RNF180: variants seen among roughly 807,000 people sequenced by gnomAD.
RNF180 encodes ring finger protein 180, also known as E3 ubiquitin-protein ligase RNF180.
In RNF180, 38 loss-of-function variants were observed where a neutral mutation model predicts 59.2. The observed-to-expected ratio is 0.64, with a 90% CI of 0.50 to 0.84. The LOEUF (loss-of-function observed/expected upper bound fraction) is 0.84, where lower values mean the gene tolerates loss of function less well. Among genes scored for constraint, RNF180 ranks in the 40% least tolerant of loss-of-function variants. RNF180 has a pLI of 0.00. For missense variants in RNF180, 705 were observed against 700.9 expected, an observed-to-expected ratio of 1.01 and a Z score of -0.07; for synonymous variants, 262 against 240.3, an observed-to-expected ratio of 1.09 and a Z score of -0.84.
intron 2 of RNF180, among the ~76,000 whole-genome samples, chr5:64,205,074 A>C (rs1751947024): frequency 6.6e-6 from 1 of 152,244 alleles, no homozygotes; most frequent in Admixed American, 6.5e-5. Context: ...AGCCCTCCCA[A>C]AGCTAGGAAC....
chr5:64,190,524 G>GT (rs1287500693), intron 1 of RNF180, among the ~76,000 whole-genome samples: 4 of 152,208 alleles, frequency 2.6e-5, no homozygotes, highest in East Asian at 1.9e-4. Context: ...TGGAGTGGAT[G>GT]TTTTTTTGCA....
intron 5 of RNF180, among the ~76,000 whole-genome samples, chr5:64,236,422 A>C (rs1357904293): frequency 1.3e-5 from 2 of 152,222 alleles, no homozygotes; most frequent in Non-Finnish European, 2.9e-5. Flanking sequence ...GAAAGTGTTC[A>C]GTTATATGCA....
At chr5:64,295,014 T>G (rs543355430) in intron 5 of RNF180, among the ~76,000 whole-genome samples, 1 of 152,350 alleles carries the variant, frequency 6.6e-6, no homozygotes, top group Non-Finnish European at 1.5e-5. Flanking sequence ...GTAACAAAAA[T>G]AGAATCATAT....
Position 64,369,603 on chromosome 5 carries a change from T to C in RNF180, c.1580-12T>C. The C allele has an allele frequency of 6.7e-7, 1 of 1,488,404 alleles. No individual in the cohort carries two copies. The highest frequency in any genetic ancestry group is 8.9e-7 in the Non-Finnish European group (1 of 1,120,806). 92.2% of individuals were successfully genotyped at this position (1,488,404 alleles called of 1,614,324 possible). The stretch of plus-strand genomic sequence containing the variant: ...AATTTAATGGGCTTTAATATGTTCA[T>C]ACATCTTCTAGGTTTCCGCAGACAT... On this transcript the variant is annotated splice_polypyrimidine_tract_variant and intron_variant, in intron 7 of 7. Transcript: ENST00000389100.
At chr5:64,239,447 T>C (rs1445955) in intron 5 of RNF180, among the ~76,000 whole-genome samples, 24,005 of 152,162 alleles carry the variant, frequency 0.16, 2,561 homozygotes, top group East Asian at 0.59. Context: ...TGTCTGCTAG[T>C]AGATAATGCA....
chr5:64,289,237 AAAC>A (rs1379346512), intron 5 of RNF180, among the ~76,000 whole-genome samples: 1 of 152,198 alleles, frequency 6.6e-6, no homozygotes. Context: ...CCTAGGGATA[AAAC>A]CTACTTGATT....
intron 5 of RNF180, among the ~76,000 whole-genome samples, chr5:64,257,508 T>C (rs1024001291): frequency 6.6e-6 from 1 of 152,240 alleles, no homozygotes; most frequent in African/African-American, 2.4e-5. Flanking sequence ...ATTACATTTA[T>C]TGATTTGCGT....
intron 7 of RNF180, among the ~76,000 whole-genome samples, chr5:64,358,938 C>T (rs1561279889): frequency 6.6e-6 from 1 of 151,558 alleles, no homozygotes; most frequent in South Asian, 2.1e-4. Flanking sequence ...TCCAATTTCA[C>T]CCATGTCCCT....
At chr5:64,307,400 A>G (rs533074178) in intron 5 of RNF180, among the ~76,000 whole-genome samples, 9 of 151,774 alleles carry the variant, frequency 5.9e-5, no homozygotes, top group African/African-American at 2.2e-4. Flanking sequence ...AGAGAAAGAC[A>G]AAATGAAGAT....
At chr5:64,353,053 G>T (rs1745879677) in intron 7 of RNF180, among the ~76,000 whole-genome samples, 1 of 151,676 alleles carries the variant, frequency 6.6e-6, no homozygotes. Flanking sequence ...ATATAAATTT[G>T]TAATATATTA....
intron 5 of RNF180, among the ~76,000 whole-genome samples, chr5:64,280,427 G>A (rs1284629072): frequency 1.3e-5 from 2 of 151,912 alleles, no homozygotes; most frequent in South Asian, 2.1e-4. Context: ...TTTCTTCTAG[G>A]GTTTTATAGT....
intron 1 of RNF180, among the ~76,000 whole-genome samples, chr5:64,184,082 T>TG (rs2111964417): frequency 6.6e-6 from 1 of 152,330 alleles, no homozygotes; most frequent in South Asian, 2.1e-4. Context: ...CTACTGGTTA[T>TG]GTGTGCCTAC....
intron 5 of RNF180, among the ~76,000 whole-genome samples, chr5:64,244,398 C>T (rs887245213): frequency 7.7e-5 from 9 of 116,452 alleles, no homozygotes; most frequent in Admixed American, 4.5e-4. Context: ...ACATAAATGA[C>T]CTGATGGAGC....
At chr5:64,233,630 A>G (rs967189692) in intron 5 of RNF180, among the ~76,000 whole-genome samples, 5 of 152,204 alleles carry the variant, frequency 3.3e-5, no homozygotes, top group African/African-American at 1.2e-4. Context: ...GGAAACTGAT[A>G]GGATTGGGAG....
At chr5:64,265,742 GT>G (rs1167129259) in intron 5 of RNF180, among the ~76,000 whole-genome samples, 1 of 152,070 alleles carries the variant, frequency 6.6e-6, no homozygotes, top group African/African-American at 2.4e-5. Context: ...ATTTAAAGTA[GT>G]TTTTTCTAAT....
intron 7 of RNF180, among the ~76,000 whole-genome samples, chr5:64,347,159 G>A (rs1317188080): frequency 6.6e-6 from 1 of 152,180 alleles, no homozygotes; most frequent in Non-Finnish European, 1.5e-5. Flanking sequence ...CTAAGTAATT[G>A]TACAAACTGG....
intron 5 of RNF180, among the ~76,000 whole-genome samples, chr5:64,296,994 C>T (rs1198584448): frequency 2.6e-5 from 4 of 151,952 alleles, no homozygotes; most frequent in Non-Finnish European, 5.9e-5. Flanking sequence ...AAACTATAGC[C>T]AGACATTAAA....
At chr5:64,179,078 T>C (rs139499539) in intron 1 of RNF180, among the ~76,000 whole-genome samples, 2 of 152,322 alleles carry the variant, frequency 1.3e-5, no homozygotes, top group East Asian at 3.9e-4. Flanking sequence ...TTTTAGTAAC[T>C]AAGGCTTAAA....
At chr5:64,273,343 C>G (rs1741531381) in intron 5 of RNF180, among the ~76,000 whole-genome samples, 1 of 151,930 alleles carries the variant, frequency 6.6e-6, no homozygotes, top group African/African-American at 2.4e-5. Context: ...CAACCAGCAG[C>G]CCTCAGGACT....
Sources: allele counts gnomAD v4.1 joint callset (sites outside exome capture counted in the v4.1 genomes callset), GRCh38; gene constraint gnomAD v4.1.1; transcripts MANE v1.5; gene names NCBI Gene and HGNC (gene_info 2026-07-23, HGNC 2026-07-21).